Variants in NEBL observed in about 807,000 individuals in gnomAD.
NEBL encodes the protein LIM and SH3 protein 2.
Under a neutral mutation model 140.2 loss-of-function variants are expected in NEBL, and 122 were observed. The observed-to-expected ratio is 0.87, with a 90% CI of 0.75 to 1.01. The LOEUF (loss-of-function observed/expected upper bound fraction) is 1.01. Among genes scored for constraint, NEBL ranks in the 50% least tolerant of loss-of-function variants. The probability of loss-of-function intolerance (pLI) is 0.00; values close to 1 mark genes in which losing one functional copy is unlikely to be tolerated. For synonymous variants in NEBL, 436 were observed against 398.9 expected (o/e 1.09, Z -1.11); for missense variants, 1,365 against 1,231.3 (o/e 1.11, Z -1.62).
At position 21,146,393 on chromosome 10, in the gene NEBL, T is replaced by C. The variant is rs150845080; in HGVS notation, c.164+25990A>G. 1,628 of 1,609,118 alleles carry C rather than the reference T, an allele frequency of 1.0e-3. 5 individuals are homozygous for C. The highest frequency in any genetic ancestry group is 1.3e-3 in the Non-Finnish European group (1,546 of 1,178,664). ...AGCCACACAAGAAAAAAATGACTGG[T>C]TGATTAGTAAAGCACAAACACTCTC... On this transcript the variant is annotated intron_variant, in intron 2 of 6. Transcript: ENST00000417816.
chr10:20,926,765 C>T (rs1833934825), intron 4 of NEBL, among the ~76,000 whole-genome samples: 1 of 152,136 alleles, frequency 6.6e-6, no homozygotes, highest in Non-Finnish European at 1.5e-5. Context: ...AAGAGTGATG[C>T]TGAATAAGCT....
chr10:20,798,978 T>G (rs1425980117), intron 26 of NEBL, among the ~76,000 whole-genome samples: 1 of 152,182 alleles, frequency 6.6e-6, no homozygotes, highest in African/African-American at 2.4e-5. Flanking sequence ...TGCCCGAAAC[T>G]TTTTCTTAGG....
chr10:20,900,783 T>A (rs1847833839), upstream of NEBL, among the ~76,000 whole-genome samples: 1 of 147,948 alleles, frequency 6.8e-6, no homozygotes, highest in African/African-American at 2.5e-5. Context: ...AGGCGTAGGT[T>A]GCAGTGAGCC....
At chr10:20,818,822 C>T (rs1467782667) in intron 20 of NEBL, 8 of 988,662 alleles carry the variant, frequency 8.1e-6, no homozygotes, top group African/African-American at 3.5e-5. Flanking sequence ...TTCCTGGACA[C>T]GCAGTTCATG....
At chr10:21,002,566 G>A (rs1158941971) in intron 3 of NEBL, among the ~76,000 whole-genome samples, 15 of 152,178 alleles carry the variant, frequency 9.9e-5, no homozygotes, top group Admixed American at 6.5e-5. Context: ...AAAGACAAGA[G>A]GTTTAACTGG....
intron 2 of NEBL, among the ~76,000 whole-genome samples, chr10:21,149,889 T>C (rs1293681490): frequency 6.6e-6 from 1 of 152,206 alleles, no homozygotes; most frequent in East Asian, 1.9e-4. Context: ...ACTGATCACT[T>C]GCTTGGTATG....
chr10:20,937,434 T>G (rs1332767459), intron 4 of NEBL, among the ~76,000 whole-genome samples: 3 of 152,124 alleles, frequency 2.0e-5, no homozygotes, highest in Non-Finnish European at 4.4e-5. Context: ...AACAGGTCAC[T>G]TCAAAAGTTG....
intron 7 of NEBL, among the ~76,000 whole-genome samples, chr10:20,864,702 T>C (rs1229936792): frequency 6.6e-6 from 1 of 152,218 alleles, no homozygotes; most frequent in African/African-American, 2.4e-5. Context: ...TATGTATTTA[T>C]GTGCCTTTAT....
rs936708730 is a variant in NEBL, at chr10:21,225,276, G to A, written n.348+22645C>T. Among the ~76,000 whole-genome samples, 3 of 152,084 alleles carry A rather than the reference G, an allele frequency of 2.0e-5. No homozygotes were observed. The South Asian group carries it at 6.2e-4, about 32-fold the overall frequency. ...TGTGCTTAGCTCCATGGAGCTGGGGGAGAGGTGACACAAGCACCCCTGTGA... is the reference window on the plus strand; with the variant it reads ...TGTGCTTAGCTCCATGGAGCTGGGGAAGAGGTGACACAAGCACCCCTGTGA... On this transcript the variant is annotated intron_variant and non_coding_transcript_variant, in intron 3 of 8. Coordinates refer to the NEBL transcript ENST00000675702.
At chr10:21,055,440 A>G (rs1834972681) in intron 2 of NEBL, among the ~76,000 whole-genome samples, 1 of 152,156 alleles carries the variant, frequency 6.6e-6, no homozygotes, top group Non-Finnish European at 1.5e-5. Context: ...TTTGGTGTCA[A>G]TGCTGTATTG....
intron 2 of NEBL, among the ~76,000 whole-genome samples, chr10:21,143,448 CAAAAAAA>C (rs72021692): frequency 3.3e-4 from 22 of 66,472 alleles, no homozygotes; most frequent in Non-Finnish European, 4.9e-4. Flanking sequence ...AACTTCATCT[CAAAAAAA>C]AAAAAAAAAA....
At chr10:20,965,703 T>A (rs1041253088) in intron 3 of NEBL, among the ~76,000 whole-genome samples, 79 of 152,284 alleles carry the variant, frequency 5.2e-4, no homozygotes, top group African/African-American at 1.8e-3. Flanking sequence ...CTGGCTGCTA[T>A]CCTGCAAACT....
rs1564382035 is a variant in NEBL, at chr10:20,850,448, CA to C, written c.1062del (p.Phe354LeufsTer38). 6.2e-7 allele frequency: 1 copy of C among 1,612,526 alleles called. No homozygotes were observed. The highest frequency in any genetic ancestry group is 1.1e-5 in the South Asian group (1 of 91,054). The part of the protein sequence containing the change: ...EKNKGKPMLE[F>X]VETPSYQASK... Reference sequence around the variant, plus strand: ...GAAGCTTGATATGATGGTGTCTCAACAAATTCAAGCATTGGCTTTCCCTTAT... The same window carrying C: ...GAAGCTTGATATGATGGTGTCTCAACAATTCAAGCATTGGCTTTCCCTTAT... On this transcript the variant is annotated frameshift_variant, in exon 11 of 28. Transcript: ENST00000377122. LOFTEE classifies it high-confidence loss of function.
chr10:20,843,234 G>A (rs546363577), intron 12 of NEBL, among the ~76,000 whole-genome samples: 1 of 152,020 alleles, frequency 6.6e-6, no homozygotes, highest in Non-Finnish European at 1.5e-5. Context: ...GCCGGTAAGA[G>A]GGCCCTCGCT....
chr10:21,173,734 G>A lies in NEBL; in HGVS notation c.69+31C>T, dbSNP rs1243623491. 3.1e-5 allele frequency: 50 copies of A among 1,611,500 alleles called. No individual in the cohort carries two copies. The highest frequency in any genetic ancestry group is 4.2e-5 in the Non-Finnish European group (49 of 1,179,542). ...GCAGGTGCAGCCCCTCGCCCGGCAG[G>A]TCCAGGCTGGCCCGGCGCCCCCTCG... On this transcript the variant is annotated intron_variant, in intron 1 of 6. Transcript: ENST00000417816. The surrounding 1 kb of genome is among the most constrained non-coding windows in gnomAD (Gnocchi z 5.7).
At chr10:21,203,613 G>C (rs1841777916) in intron 3 of NEBL, among the ~76,000 whole-genome samples, 1 of 152,148 alleles carries the variant, frequency 6.6e-6, no homozygotes. Flanking sequence ...GAAAATAACA[G>C]CAGTATTTTA....
intron 4 of NEBL, among the ~76,000 whole-genome samples, chr10:20,887,101 C>A (rs1037795394): frequency 5.9e-5 from 9 of 152,080 alleles, no homozygotes; most frequent in Non-Finnish European, 1.2e-4. Flanking sequence ...TTAAGATGAA[C>A]CAGAAAGAGG....
chr10:20,952,726 G>A (rs1474264581), intron 4 of NEBL, among the ~76,000 whole-genome samples: 10 of 151,010 alleles, frequency 6.6e-5, no homozygotes, highest in African/African-American at 2.2e-4. Context: ...TCAATATGGC[G>A]AAACCCCATT....
intron 4 of NEBL, among the ~76,000 whole-genome samples, chr10:20,947,450 C>T (rs563894238): frequency 2.0e-5 from 3 of 152,262 alleles, no homozygotes; most frequent in African/African-American, 2.4e-5. Context: ...CTTAGGACAA[C>T]ATTCCCCTCC....
Sources: gnomAD v4.1 joint callset for allele counts (sites outside exome capture counted in the v4.1 genomes callset) on GRCh38, gnomAD v4.1.1 for gene constraint, Gnocchi (gnomAD v3.1) non-coding constraint, MANE v1.5 for transcripts, NCBI Gene and HGNC (gene_info 2026-07-23, HGNC 2026-07-21) for gene names.